SLCO6A1: variants seen among roughly 807,000 people sequenced by gnomAD.
The protein encoded by SLCO6A1 is cancer/testis antigen 48.
A neutral mutation model predicts 72.7 loss-of-function variants in SLCO6A1; 65 were observed. The ratio of observed to expected loss-of-function variants is 0.89; its 90% CI spans 0.73 to 1.10. SLCO6A1 has a LOEUF of 1.10. Ranked by LOEUF, SLCO6A1 falls within the 50% of genes least tolerant of loss-of-function variation. The pLI, the probability that SLCO6A1 is intolerant of heterozygous loss-of-function variation, is 0.00. For missense variants in SLCO6A1, 874 were observed against 872.6 expected (o/e 1.00, Z -0.02); for synonymous variants, 314 against 298.2 (o/e 1.05, Z -0.55).
chr5:102,398,048 A>G (rs1279837273), intron 10 of SLCO6A1, among the ~76,000 whole-genome samples: 2 of 152,144 alleles, frequency 1.3e-5, no homozygotes, highest in Non-Finnish European at 2.9e-5. Flanking sequence ...CTTCAGTCTG[A>G]GGTTTCTTTT....
At chr5:102,484,648 CA>C (rs920563371) in intron 1 of SLCO6A1, among the ~76,000 whole-genome samples, 23 of 139,720 alleles carry the variant, frequency 1.6e-4, no homozygotes, top group African/African-American at 1.3e-4. Flanking sequence ...GAGACTCTGT[CA>C]AAAAAAAAAG....
At position 102,390,701 on chromosome 5, in the gene SLCO6A1, A is replaced by C. The variant is rs548413278; in HGVS notation, c.1879+280T>G. On this transcript the variant is annotated intron_variant, in intron 11 of 13. Coordinates refer to ENST00000506729, the MANE Select transcript of SLCO6A1 (RefSeq NM_173488.5). The stretch of plus-strand genomic sequence containing the variant: ...ACAAGAGTTTTGTATGAGCCTACCA[A>C]ACCACTCATATGAGATGATTACTAT... Among the ~76,000 whole-genome samples, 837 of 152,250 alleles carry C rather than the reference A, an allele frequency of 5.5e-3. 2 individuals are homozygous for C. The highest frequency in any genetic ancestry group is 9.9e-3 in the Non-Finnish European group (672 of 68,000).
chr5:102,490,605 C>A (rs891069540), intron 1 of SLCO6A1, among the ~76,000 whole-genome samples: 1 of 152,090 alleles, frequency 6.6e-6, no homozygotes, highest in Admixed American at 6.5e-5. Context: ...GGCGGCATGT[C>A]TGGAGTTTGT....
At chr5:102,403,404 A>G (rs551821567) in intron 9 of SLCO6A1, among the ~76,000 whole-genome samples, 2 of 152,322 alleles carry the variant, frequency 1.3e-5, no homozygotes, top group African/African-American at 4.8e-5. Flanking sequence ...TTTAAGATAT[A>G]GAAAAATGAA....
intron 9 of SLCO6A1, among the ~76,000 whole-genome samples, chr5:102,411,919 A>T (rs946446878): frequency 6.6e-6 from 1 of 152,152 alleles, no homozygotes; most frequent in Non-Finnish European, 1.5e-5. Flanking sequence ...GAAGAGGTTC[A>T]CTGAGAGTCA....
At chr5:102,414,907 G>GTAAATAAA (rs201675961) in intron 8 of SLCO6A1, among the ~76,000 whole-genome samples, 21 of 60,126 alleles carry the variant, frequency 3.5e-4, no homozygotes, top group Admixed American at 7.0e-4. Flanking sequence ...AAGTAAGTAA[G>GTAAATAAA]TAAATAAATA....
At chr5:102,490,665 G>A (rs960119168) in intron 1 of SLCO6A1, among the ~76,000 whole-genome samples, 4 of 152,244 alleles carry the variant, frequency 2.6e-5, no homozygotes, top group Middle Eastern at 3.4e-3. Context: ...TGGTGGGTTC[G>A]TGGTCTCCCT....
At chr5:102,485,504 G>C (rs565356342) in intron 1 of SLCO6A1, among the ~76,000 whole-genome samples, 18 of 152,246 alleles carry the variant, frequency 1.2e-4, no homozygotes, top group African/African-American at 3.9e-4. Flanking sequence ...TGTGGAGTCT[G>C]AGTACCTGAG....
intron 7 of SLCO6A1, among the ~76,000 whole-genome samples, chr5:102,429,784 C>T (rs549629360): frequency 3.3e-5 from 5 of 151,940 alleles, no homozygotes; most frequent in Non-Finnish European, 7.4e-5. Context: ...CTTGGCTATT[C>T]GAGCTCTTTT....
At chr5:102,390,918 T>C (rs1406366144) in intron 11 of SLCO6A1, 63 bp downstream of exon 11, 13 of 1,314,084 alleles carry the variant, frequency 9.9e-6, no homozygotes, top group Non-Finnish European at 1.4e-5. Flanking sequence ...TAAATACACA[T>C]GTAGACATAT....
At chr5:102,424,933 T>A (rs1047236802) in intron 7 of SLCO6A1, among the ~76,000 whole-genome samples, 1 of 152,074 alleles carries the variant, frequency 6.6e-6, no homozygotes, top group Non-Finnish European at 1.5e-5. Context: ...AATCAAGTCA[T>A]CTTCATTCCT....
chr5:102,412,850 A>T, intron 9 of SLCO6A1, 140 bp downstream of exon 9: 1 of 313,918 alleles, frequency 3.2e-6, no homozygotes, highest in Non-Finnish European at 5.6e-6. Context: ...AATAGGTTTT[A>T]TACAGAGTTG....
chr5:102,478,309 A>G (rs1292769281), intron 2 of SLCO6A1, among the ~76,000 whole-genome samples: 2 of 152,210 alleles, frequency 1.3e-5, no homozygotes, highest in African/African-American at 4.8e-5. Flanking sequence ...CATAGCACAT[A>G]TTCCTCTTAA....
intron 7 of SLCO6A1, among the ~76,000 whole-genome samples, chr5:102,425,070 C>A (rs1263966814): frequency 6.6e-6 from 1 of 152,018 alleles, no homozygotes; most frequent in Non-Finnish European, 1.5e-5. Context: ...AATTTAACAC[C>A]CCTTCATGCT....
chr5:102,399,665 G>T lies in SLCO6A1; in HGVS notation c.1704C>A (p.Pro568=). Residue 568 remains proline, a synonymous_variant, in exon 10 of 14, where the codon CCC becomes CCA. Coordinates refer to ENST00000506729, the MANE Select transcript of SLCO6A1 (RefSeq NM_173488.5). ...DAEGDFIDAR[P]GKCDAKCYKL... ...TATAGCACTTTGCATCACATTTCCC[G>T]GGTCTGGCATCAATAAAATCACCTT... 1 of 1,608,884 alleles carries T rather than the reference G, an allele frequency of 6.2e-7. No homozygotes were observed. Among genetic ancestry groups the T allele is most frequent in the Non-Finnish European group, 8.5e-7 (1 of 1,176,558 alleles).
intron 7 of SLCO6A1, among the ~76,000 whole-genome samples, chr5:102,429,675 G>C (rs778356594): frequency 3.3e-5 from 5 of 150,450 alleles, no homozygotes; most frequent in Non-Finnish European, 7.4e-5. Context: ...GTCTGTTTTT[G>C]TACCAGTATG....
At chr5:102,382,002 C>T (rs1054834617) in intron 12 of SLCO6A1, among the ~76,000 whole-genome samples, 19 of 151,652 alleles carry the variant, frequency 1.3e-4, no homozygotes, top group African/African-American at 4.1e-4. Flanking sequence ...AAATATTTCT[C>T]TTATTCCATA....
rs372185959 is a variant in SLCO6A1, at chr5:102,480,449, G to A, written c.359-15C>T. On this transcript the variant is annotated splice_polypyrimidine_tract_variant and intron_variant, in intron 1 of 13. Coordinates refer to ENST00000506729, the MANE Select transcript of SLCO6A1 (RefSeq NM_173488.5). ...AAACACCACACCTAAAATGTAAAAA[G>A]AAAAAGAGAAAACAACGATATGCAT... The A allele has an allele frequency of 1.9e-6, 3 of 1,585,652 alleles. No individual in the cohort carries two copies. The highest frequency in any genetic ancestry group is 1.9e-5 in the Admixed American group (1 of 53,232).
At chr5:102,445,110 T>C (rs1362564404) in intron 6 of SLCO6A1, among the ~76,000 whole-genome samples, 1 of 152,202 alleles carries the variant, frequency 6.6e-6, no homozygotes, top group Non-Finnish European at 1.5e-5. Flanking sequence ...CTGGGTCAAA[T>C]GGTAGTTCTG....
Sources: gnomAD v4.1 joint callset for allele counts (sites outside exome capture counted in the v4.1 genomes callset) on GRCh38, gnomAD v4.1.1 for gene constraint, MANE v1.5 for transcripts, NCBI Gene and HGNC (gene_info 2026-07-23, HGNC 2026-07-21) for gene names.